CFAP299: variants seen among roughly 807,000 people sequenced by gnomAD.
CFAP299 encodes the protein cilia- and flagella-associated protein 299.
CFAP299 carries 21 observed loss-of-function variants against 27.0 expected under a neutral mutation model. That is an observed-to-expected ratio of 0.78 (90% CI 0.55 to 1.12). The LOEUF (loss-of-function observed/expected upper bound fraction) is 1.12. Ranked by LOEUF, CFAP299 falls within the 50% of genes most tolerant of loss-of-function variation. The pLI, the probability that CFAP299 is intolerant of heterozygous loss-of-function variation, is 0.00. For synonymous variants in CFAP299, 104 were observed against 98.1 expected, an observed-to-expected ratio of 1.06 and a Z score of -0.36; for missense variants, 310 against 276.6, an observed-to-expected ratio of 1.12 and a Z score of -0.86.
chr4:80,956,663 G>T (rs958964125), intron 5 of CFAP299, among the ~76,000 whole-genome samples: 1 of 151,328 alleles, frequency 6.6e-6, no homozygotes, highest in African/African-American at 2.4e-5. Flanking sequence ...GCCTGGGCTG[G>T]TCTCCAACTC....
chr4:80,645,056 G>A (rs955541757), intron 3 of CFAP299, among the ~76,000 whole-genome samples: 121 of 152,064 alleles, frequency 8.0e-4, no homozygotes, highest in African/African-American at 2.8e-3. Flanking sequence ...TCCTCCTTGA[G>A]TTTCAGAGTA....
intron 2 of CFAP299, among the ~76,000 whole-genome samples, chr4:80,394,250 T>C (rs1725653158): frequency 6.6e-6 from 1 of 152,144 alleles, no homozygotes; most frequent in South Asian, 2.1e-4. Flanking sequence ...TTTTGAAAAA[T>C]ATCCATTCAG....
Position 80,737,521 on chromosome 4 carries a change from A to G in CFAP299, c.334-132472A>G, listed in dbSNP as rs532658263. Among the ~76,000 whole-genome samples the G allele has an allele frequency of 5.3e-5, 8 of 152,096 alleles. No individual in the cohort carries two copies. The East Asian group carries it at 9.7e-4, about 18-fold the overall frequency. Reference sequence around the variant, plus strand: ...TTCATGGTTCATTCTTTGTAGGTTTATGTGTCTAGGAACTTAATACATTTC... The same window carrying G: ...TTCATGGTTCATTCTTTGTAGGTTTGTGTGTCTAGGAACTTAATACATTTC... On this transcript the variant is annotated intron_variant, in intron 3 of 5. Coordinates refer to ENST00000358105, the MANE Select transcript of CFAP299 (RefSeq NM_152770.3).
intron 2 of CFAP299, among the ~76,000 whole-genome samples, chr4:80,505,698 G>A (rs1339655149): frequency 6.6e-6 from 1 of 152,138 alleles, no homozygotes; most frequent in African/African-American, 2.4e-5. Flanking sequence ...TGTTGGAAGA[G>A]ACTTTATGCA....
At chr4:80,817,826 C>CT (rs532961103) in intron 3 of CFAP299, among the ~76,000 whole-genome samples, 57 of 143,772 alleles carry the variant, frequency 4.0e-4, no homozygotes, top group Admixed American at 4.2e-4. Context: ...TTATAGTTTT[C>CT]TTTTTTTTTT....
chr4:80,675,155 G>C (rs984268752), intron 3 of CFAP299, among the ~76,000 whole-genome samples: 12 of 152,148 alleles, frequency 7.9e-5, no homozygotes, highest in African/African-American at 2.9e-4. Flanking sequence ...CCCCATCTTT[G>C]TGGTTTTATC....
At chr4:80,951,896 A>G (rs1320374357) in intron 5 of CFAP299, among the ~76,000 whole-genome samples, 1 of 152,214 alleles carries the variant, frequency 6.6e-6, no homozygotes, top group Non-Finnish European at 1.5e-5. Context: ...CCATATACCA[A>G]AGAGTGCTGT....
chr4:80,800,610 A>G (rs1346494830), intron 3 of CFAP299, among the ~76,000 whole-genome samples: 1 of 96,160 alleles, frequency 1.0e-5, no homozygotes, highest in Non-Finnish European at 1.8e-5. Flanking sequence ...ATATAAATAT[A>G]TAATATATAA....
intron 2 of CFAP299, among the ~76,000 whole-genome samples, chr4:80,397,917 T>C (rs552592261): frequency 6.6e-6 from 1 of 152,328 alleles, no homozygotes; most frequent in African/African-American, 2.4e-5. Context: ...GCAGATGACA[T>C]GATTGTATAT....
At chr4:80,747,485 T>C (rs147345276) in intron 3 of CFAP299, among the ~76,000 whole-genome samples, 120 of 152,194 alleles carry the variant, frequency 7.9e-4, no homozygotes, top group African/African-American at 2.4e-3. Flanking sequence ...GAGAGTTATA[T>C]AGTAGGATTC....
chr4:80,356,595 C>T lies in CFAP299; in HGVS notation c.112-6159C>T, dbSNP rs116118420. On this transcript the variant is annotated intron_variant, in intron 1 of 5. Transcript: ENST00000358105. ...CCTATGTGTTTTATTCTTTTTGTGG[C>T]AATAGTGCATGGGAGTACATTCCTA... Among the ~76,000 whole-genome samples, 1,377 of 151,978 alleles carry T rather than the reference C, an allele frequency of 9.1e-3. 24 individuals carry two copies. The highest frequency in any genetic ancestry group is 0.032 in the African/African-American group (1,309 of 41,464).
intron 2 of CFAP299, among the ~76,000 whole-genome samples, chr4:80,515,598 C>A (rs1024016358): frequency 1.3e-5 from 2 of 152,126 alleles, no homozygotes; most frequent in East Asian, 1.9e-4. Context: ...CTCCAGTGAA[C>A]TTTCCTTCTA....
At chr4:80,834,749 TATAGCAGGA>T (rs1730471148) in intron 3 of CFAP299, among the ~76,000 whole-genome samples, 1 of 152,160 alleles carries the variant, frequency 6.6e-6, no homozygotes, top group South Asian at 2.1e-4. Context: ...ACATTTCACA[TATAGCAGGA>T]TCCAAACCTC....
At chr4:80,715,319 A>G (rs1188713431) in intron 3 of CFAP299, among the ~76,000 whole-genome samples, 2 of 152,084 alleles carry the variant, frequency 1.3e-5, no homozygotes, top group Non-Finnish European at 2.9e-5. Flanking sequence ...ACCTTGTTTA[A>G]GAGAGGGGGA....
intron 3 of CFAP299, among the ~76,000 whole-genome samples, chr4:80,725,683 C>T (rs1021905254): frequency 6.6e-6 from 1 of 152,206 alleles, no homozygotes; most frequent in African/African-American, 2.4e-5. Context: ...AATCTCATTG[C>T]TAGCCTGGTA....
At chr4:80,498,729 A>T (rs1170312900) in intron 2 of CFAP299, among the ~76,000 whole-genome samples, 1 of 152,184 alleles carries the variant, frequency 6.6e-6, no homozygotes, top group Non-Finnish European at 1.5e-5. Context: ...TTGACTCAGC[A>T]ATCGGATTAC....
At chr4:80,327,657 G>A in the CFAP299 span, among the ~76,000 whole-genome samples, 1 of 39,994 alleles carries the variant, frequency 2.5e-5, no homozygotes, top group South Asian at 7.4e-4. Flanking sequence ...GCAGTGAATG[G>A]ATTTTATATA....
At chr4:80,546,977 G>A (rs1734263983) in intron 2 of CFAP299, among the ~76,000 whole-genome samples, 2 of 151,998 alleles carry the variant, frequency 1.3e-5, no homozygotes, top group Admixed American at 6.6e-5. Flanking sequence ...TAGATTCAAT[G>A]CTATTCCAGT....
intron 2 of CFAP299, among the ~76,000 whole-genome samples, chr4:80,577,366 G>C (rs185588938): frequency 2.7e-5 from 4 of 150,828 alleles, no homozygotes; most frequent in African/African-American, 9.8e-5. Flanking sequence ...ATTTGAATTA[G>C]GGATTATTAA....
Sources: allele counts gnomAD v4.1 joint callset (sites outside exome capture counted in the v4.1 genomes callset), GRCh38; gene constraint gnomAD v4.1.1; transcripts MANE v1.5; gene names NCBI Gene and HGNC (gene_info 2026-07-23, HGNC 2026-07-21).